The following SUPV3L1 variants were observed in gnomAD, a reference collection of about 807,000 sequenced individuals.
The protein encoded by SUPV3L1 is ATP-dependent RNA helicase SUPV3L1, mitochondrial.
In SUPV3L1, 35 loss-of-function variants were observed where a neutral mutation model predicts 70.0. The ratio of observed to expected loss-of-function variants is 0.50; its 90% CI spans 0.38 to 0.66. The LOEUF is 0.66. Ranked by LOEUF, SUPV3L1 falls within the 30% of genes least tolerant of loss-of-function variation. The probability of loss-of-function intolerance (pLI) is 0.00; values close to 1 mark genes in which losing one functional copy is unlikely to be tolerated. For missense variants in SUPV3L1, 777 were observed against 961.5 expected (o/e 0.81, Z 2.54); for synonymous variants, 364 against 341.9 (o/e 1.06, Z -0.71).
At chr10:69,197,207 T>C in intron 8 of SUPV3L1, 124 bp downstream of exon 8, 1 of 758,316 alleles carries the variant, frequency 1.3e-6, no homozygotes. Flanking sequence ...AGCTTCATTT[T>C]CTTGTGATCA....
intron 11 of SUPV3L1, among the ~76,000 whole-genome samples, chr10:69,201,839 G>A (rs34727438): frequency 0.055 from 6,115 of 112,052 alleles, 448 homozygotes; most frequent in African/African-American, 0.18. Context: ...GCACCTGGCC[G>A]TAAAATCTTT....
Position 69,189,239 on chromosome 10 carries a change from T to C in SUPV3L1, c.573-28T>C, listed in dbSNP as rs762576788. On this transcript the variant is annotated intron_variant, in intron 4 of 14. Transcript: ENST00000359655. ...CAGGATGGATTTTGAGGTTAATGGATTAAGCTGTTTACCTACTCATGTTTT... is the reference window on the plus strand; with the variant it reads ...CAGGATGGATTTTGAGGTTAATGGACTAAGCTGTTTACCTACTCATGTTTT... The C allele has an allele frequency of 1.9e-6, 3 of 1,602,338 alleles. No individual in the cohort carries two copies. The African/African-American group carries it at 4.0e-5, about 21-fold the overall frequency.
intron 3 of SUPV3L1, chr10:69,187,424 C>T: frequency 4.3e-6 from 1 of 233,264 alleles, no homozygotes; most frequent in Non-Finnish European, 8.0e-6. Context: ...AGTCTCAGCT[C>T]AGTGTGTAGC....
chr10:69,182,249 C>G (rs1277712951), intron 1 of SUPV3L1, among the ~76,000 whole-genome samples: 1 of 152,056 alleles, frequency 6.6e-6, no homozygotes, highest in Non-Finnish European at 1.5e-5. Flanking sequence ...CCTGCCATGG[C>G]CTCCCAAAGC....
In SUPV3L1 at chr10:69,191,678, A is replaced by G. The variant is rs369445796; in HGVS notation, c.765A>G (p.Thr255=). 2 of 1,613,994 alleles carry G rather than the reference A, an allele frequency of 1.2e-6. No homozygotes were observed. Among genetic ancestry groups the G allele is most frequent in the African/African-American group, 1.3e-5 (1 of 74,920 alleles). The change falls in exon 6 of 15, where the codon ACA becomes ACG. Residue 255 remains threonine, a synonymous_variant. Coordinates refer to ENST00000359655, the MANE Select transcript of SUPV3L1 (RefSeq NM_003171.5). ...NAAGVPCDLV[T]GEERVTVQPN... ...AGGGTGTGCCATGTGACTTGGTGACAGGTGAAGAGCGTGTGACAGTTCAGC... is the reference window on the plus strand; with the variant it reads ...AGGGTGTGCCATGTGACTTGGTGACGGGTGAAGAGCGTGTGACAGTTCAGC...
chr10:69,197,189 A>G (rs1842565869), intron 8 of SUPV3L1, 106 bp downstream of exon 8: 2 of 856,548 alleles, frequency 2.3e-6, no homozygotes, highest in Non-Finnish European at 3.8e-6. Flanking sequence ...GAACTTAACT[A>G]AAAAGAAAGC....
chr10:69,191,893 G>T (rs1393673148), intron 6 of SUPV3L1, 127 bp downstream of exon 6: 2 of 588,950 alleles, frequency 3.4e-6, no homozygotes, highest in Non-Finnish European at 5.7e-6. Context: ...TGCGACCTCT[G>T]CCTCCCCAGT....
intron 11 of SUPV3L1, among the ~76,000 whole-genome samples, chr10:69,200,860 T>C (rs1402076766): frequency 6.6e-6 from 1 of 152,190 alleles, no homozygotes; most frequent in Non-Finnish European, 1.5e-5. Context: ...AGCCTGAATA[T>C]AGACGAAACC....
Position 69,206,630 on chromosome 10 carries a change from CA to C in SUPV3L1, c.1777-1160del, listed in dbSNP as rs560943991. Among the ~76,000 whole-genome samples, 55 of 152,312 alleles carry C rather than the reference CA, an allele frequency of 3.6e-4. No individual in the cohort carries two copies. In the South Asian group the frequency reaches 0.01, roughly 29 times the overall value. ...CTGAAGCAAAGAGTGTTGACTTGGCCAAAGCCACACAGCTCGCAGGAGGCAG... is the reference window on the plus strand; with the variant it reads ...CTGAAGCAAAGAGTGTTGACTTGGCCAAGCCACACAGCTCGCAGGAGGCAG... On this transcript the variant is annotated intron_variant, in intron 13 of 14. Transcript: ENST00000359655.
Position 69,186,066 on chromosome 10 carries a change from T to G in SUPV3L1, c.349+2T>G, listed in dbSNP as rs1180542881. ...TGGGTGCTGATTATGGACTTGATGGTAAGGCCCAAAACATCTTCATAGAGG... is the reference window on the plus strand; with the variant it reads ...TGGGTGCTGATTATGGACTTGATGGGAAGGCCCAAAACATCTTCATAGAGG... On this transcript the variant is annotated splice_donor_variant, in intron 2 of 14. Transcript: ENST00000359655. LOFTEE classifies it high-confidence loss of function. The G allele has an allele frequency of 6.2e-7, 1 of 1,613,250 alleles. No homozygotes were observed. The highest frequency in any genetic ancestry group is 8.5e-7 in the Non-Finnish European group (1 of 1,179,600).
At chr10:69,199,423 C>T (rs1589386847) in intron 10 of SUPV3L1, among the ~76,000 whole-genome samples, 1 of 152,190 alleles carries the variant, frequency 6.6e-6, no homozygotes, top group Non-Finnish European at 1.5e-5. Context: ...GCTCTTTTAC[C>T]CACGCTGGAG....
At chr10:69,182,298 CTTAATTGTTTTTAAGCACATAGTTCA>C (rs142993198) in intron 1 of SUPV3L1, among the ~76,000 whole-genome samples, 8,650 of 152,164 alleles carry the variant, frequency 0.057, 288 homozygotes, top group South Asian at 0.13. Flanking sequence ...CCCAGCCAGT[CTTAATTGTTTTTAAGCACATAGTTCA>C]CTAGCGTTAA....
intron 5 of SUPV3L1, among the ~76,000 whole-genome samples, chr10:69,191,232 ATTTTTT>A (rs11434528): frequency 7.7e-6 from 1 of 130,160 alleles, no homozygotes; most frequent in South Asian, 2.4e-4. Flanking sequence ...AGCATTGGGA[ATTTTTT>A]TTTTTTTTTT....
intron 13 of SUPV3L1, among the ~76,000 whole-genome samples, chr10:69,204,925 C>T (rs990974755): frequency 6.6e-6 from 1 of 152,076 alleles, no homozygotes; most frequent in Non-Finnish European, 1.5e-5. Context: ...AGGCATGTGC[C>T]ATGCCTGGCT....
At chr10:69,189,935 C>T (rs7899960) in intron 5 of SUPV3L1, among the ~76,000 whole-genome samples, 2,563 of 152,222 alleles carry the variant, frequency 0.017, 62 homozygotes, top group African/African-American at 0.058. Flanking sequence ...CGTGAGCCAC[C>T]GCACCCAGCT....
At position 69,208,723 on chromosome 10, in the gene SUPV3L1, T is replaced by TA; in HGVS notation, c.2051dup (p.Leu685AlafsTer24). On this transcript the variant is annotated frameshift_variant, in exon 15 of 15. Transcript: ENST00000359655. LOFTEE classifies it low-confidence loss of function (END_TRUNC). ...AATTGATTAAAATGTCTGAGACGCA[T>TA]AAGCTGTTGAATTTGGAGGGCTTTC... The TA allele has an allele frequency of 6.2e-7, 1 of 1,614,204 alleles. No individual in the cohort carries two copies. Among genetic ancestry groups the TA allele is most frequent in the Non-Finnish European group, 8.5e-7 (1 of 1,180,042 alleles).
In SUPV3L1 at chr10:69,180,273, T is replaced by C. The variant is rs1189931930; in HGVS notation, c.-19T>C. ...CCGTGTCCGCGGCTGCGCCAGACAG[T>C]GTAGAACCTGCGGCCTCGATGTCCT... On this transcript the variant is annotated 5_prime_UTR_variant, in exon 1 of 15. Transcript: ENST00000359655. The C allele has an allele frequency of 3.7e-6, 6 of 1,611,458 alleles. No individual in the cohort carries two copies. The highest frequency in any genetic ancestry group is 2.2e-5 in the South Asian group (2 of 90,976).
Position 69,199,208 on chromosome 10 carries a change from T to G in SUPV3L1, c.1298+11T>G. The G allele has an allele frequency of 6.3e-7, 1 of 1,595,448 alleles. No individual in the cohort carries two copies. The highest frequency in any genetic ancestry group is 8.5e-7 in the Non-Finnish European group (1 of 1,171,360). ...CATGGGACTTAATTTGTAAGTAATT[T>G]GTTTTTAATAAGATGAATATTTGGT... On this transcript the variant is annotated intron_variant, in intron 10 of 14. Coordinates refer to ENST00000359655, the MANE Select transcript of SUPV3L1 (RefSeq NM_003171.5).
chr10:69,196,818 C>T (rs189882326), intron 7 of SUPV3L1, among the ~76,000 whole-genome samples, 174 bp from the exon 8 acceptor site: 2 of 152,200 alleles, frequency 1.3e-5, no homozygotes, highest in South Asian at 2.1e-4. Context: ...ATAATCTTTG[C>T]CCATTAGAAG....
Sources: gnomAD v4.1 joint callset for allele counts (sites outside exome capture counted in the v4.1 genomes callset) on GRCh38, gnomAD v4.1.1 for gene constraint, MANE v1.5 for transcripts, NCBI Gene and HGNC (gene_info 2026-07-23, HGNC 2026-07-21) for gene names.